Variants in LYAR observed in about 807,000 individuals in gnomAD.
LYAR encodes the protein Ly1 antibody reactive, also known as cell growth-regulating nucleolar protein.
Under a neutral mutation model 45.2 loss-of-function variants are expected in LYAR, and 37 were observed. The observed-to-expected ratio is 0.82, with a 90% CI of 0.63 to 1.08. The LOEUF (loss-of-function observed/expected upper bound fraction) is 1.08, where lower values mean the gene tolerates loss of function less well. Among genes scored for constraint, LYAR ranks in the 50% least tolerant of loss-of-function variants. The pLI is 0.00. For synonymous variants in LYAR, 176 were observed against 155.1 expected, an observed-to-expected ratio of 1.14 and a Z score of -1.00; for missense variants, 493 against 451.0, an observed-to-expected ratio of 1.09 and a Z score of -0.84.
intron 2 of LYAR, among the ~76,000 whole-genome samples, chr4:4,285,591 C>T (rs531230578): frequency 6.6e-6 from 1 of 152,350 alleles, no homozygotes; most frequent in Admixed American, 6.5e-5. Context: ...AGATTGTCAT[C>T]ACAGGCACAA....
chr4:4,278,780 T>C (rs930910095), intron 6 of LYAR, among the ~76,000 whole-genome samples: 31 of 152,346 alleles, frequency 2.0e-4, no homozygotes, highest in African/African-American at 7.5e-4. Context: ...CTAAATAATG[T>C]GCCTAAGATC....
chr4:4,282,318 A>G (rs1278663473), intron 3 of LYAR, among the ~76,000 whole-genome samples: 1 of 152,186 alleles, frequency 6.6e-6, no homozygotes, highest in Non-Finnish European at 1.5e-5. Context: ...TGGCAGCATG[A>G]GGTTACCAAC....
chr4:4,272,369 G>A (rs568896421), intron 8 of LYAR, among the ~76,000 whole-genome samples: 50 of 152,218 alleles, frequency 3.3e-4, no homozygotes, highest in Non-Finnish European at 5.6e-4. Flanking sequence ...GATCTGCAGG[G>A]GACAGTTCCC....
chr4:4,283,309 CCTGA>C (rs1418003986), intron 3 of LYAR, among the ~76,000 whole-genome samples: 1 of 152,108 alleles, frequency 6.6e-6, no homozygotes, highest in Non-Finnish European at 1.5e-5. Context: ...CACCACCACG[CCTGA>C]CTAATTTTTG....
intron 1 of LYAR, among the ~76,000 whole-genome samples, chr4:4,287,106 C>T (rs1276652147): frequency 6.6e-6 from 1 of 152,174 alleles, no homozygotes; most frequent in Non-Finnish European, 1.5e-5. Flanking sequence ...AAAAAGACAG[C>T]AGTTTTTTCA....
chr4:4,287,240 T>C (rs376873101), intron 1 of LYAR, among the ~76,000 whole-genome samples: 84 of 152,262 alleles, frequency 5.5e-4, no homozygotes, highest in African/African-American at 2.0e-3. Context: ...CATGCGCATG[T>C]TAAAAGAGAA....
chr4:4,279,251 T>C (rs1719303873), intron 6 of LYAR, among the ~76,000 whole-genome samples, 196 bp downstream of exon 6: 1 of 152,118 alleles, frequency 6.6e-6, no homozygotes, highest in Non-Finnish European at 1.5e-5. Context: ...GAGAATTGCT[T>C]GAACCCAGAG....
intron 8 of LYAR, among the ~76,000 whole-genome samples, chr4:4,269,872 T>C (rs1031572551): frequency 1.3e-5 from 2 of 152,222 alleles, no homozygotes; most frequent in African/African-American, 4.8e-5. Context: ...AGGTGATAAA[T>C]GTGTTAATCA....
Position 4,274,733 on chromosome 4 carries a change from G to T in LYAR, c.466C>A (p.His156Asn). 1 of 1,611,038 alleles carries T rather than the reference G, an allele frequency of 6.2e-7. No homozygotes were observed. Among genetic ancestry groups the T allele is most frequent in the Non-Finnish European group, 8.5e-7 (1 of 1,179,322 alleles). The stretch of plus-strand genomic sequence containing the variant: ...TCTGCATGTGGATTTGCCACTGGGT[G>T]GAGTGGCCGTTGATCCTGTTCCTTA... ...VNKEQDQRPL[H>N]PVANPHAEIS... is the part of the protein sequence containing the mutation. Residue 156 changes from histidine to asparagine, a missense_variant, in exon 7 of 10, where the codon CAC becomes AAC. Physicochemically the swap from His to Asn is moderately conservative, Grantham distance 68 (BLOSUM62 1). Coordinates refer to ENST00000343470, the MANE Select transcript of LYAR (RefSeq NM_017816.3).
At chr4:4,285,439 C>A (rs185831285) in intron 2 of LYAR, among the ~76,000 whole-genome samples, 1 of 152,170 alleles carries the variant, frequency 6.6e-6, no homozygotes, top group Non-Finnish European at 1.5e-5. Flanking sequence ...GAGGGATGAT[C>A]AACATGTCAG....
intron 6 of LYAR, among the ~76,000 whole-genome samples, chr4:4,276,314 C>A (rs932882521): frequency 7.2e-5 from 11 of 152,064 alleles, no homozygotes; most frequent in Admixed American, 7.2e-4. Flanking sequence ...GTAGCAAGGA[C>A]TATGTCCTCA....
intron 1 of LYAR, among the ~76,000 whole-genome samples, chr4:4,288,486 C>CTTTTTTTT (rs11338207): frequency 2.5e-5 from 3 of 121,020 alleles, no homozygotes; most frequent in Non-Finnish European, 5.0e-5. Context: ...AATTTTTTTT[C>CTTTTTTTT]TTTTTTTTTT....
chr4:4,268,904 C>T (rs1356019343), intron 8 of LYAR: 5 of 261,140 alleles, frequency 1.9e-5, no homozygotes, highest in Admixed American at 1.0e-4. Context: ...TAAGCATCCA[C>T]TAAGATCATG....
rs112675020 is a variant in LYAR at position 4,269,433 on chromosome 4, G to C, written c.920-818C>G. On this transcript the variant is annotated intron_variant, in intron 8 of 9. Transcript: ENST00000343470. ...TGGCGAGCCTGAGTTCTCTACCCTC[G>C]CAAGGCTGTAATGAGGGACGGTGTC... Among the ~76,000 whole-genome samples, 256 of 152,192 alleles carry C rather than the reference G, an allele frequency of 1.7e-3. 3 individuals carry two copies. Among genetic ancestry groups the C allele is most frequent in the East Asian group, 5.8e-4 (3 of 5,176 alleles).
At chr4:4,284,574 C>G (rs972285937) in intron 2 of LYAR, among the ~76,000 whole-genome samples, 2 of 152,138 alleles carry the variant, frequency 1.3e-5, no homozygotes, top group Non-Finnish European at 2.9e-5. Context: ...GTTCACAAAC[C>G]CAGGTGTCCC....
chr4:4,270,639 A>G (rs1489026321), intron 8 of LYAR, among the ~76,000 whole-genome samples: 1 of 152,226 alleles, frequency 6.6e-6, no homozygotes, highest in Non-Finnish European at 1.5e-5. Flanking sequence ...ACATTTCAAC[A>G]AAAACATATA....
chr4:4,268,550 T>C lies in LYAR; in HGVS notation c.985A>G (p.Ile329Val), dbSNP rs1480423455. 2 of 1,612,240 alleles carry C rather than the reference T, an allele frequency of 1.2e-6. No homozygotes were observed. The highest frequency in any genetic ancestry group is 2.2e-5 in the East Asian group (1 of 44,834). ...LKQAPDNEIT[I>V]KKLRKKVLAQ... ...CATACCTTTTTCCTTAGCTTTTTGA[T>C]GGTTATTTCATTGTCTGGGGCCTGT... Residue 329 changes from isoleucine to valine, a missense_variant, in exon 9 of 10, where the codon ATC becomes GTC. Coordinates refer to ENST00000343470, the MANE Select transcript of LYAR (RefSeq NM_017816.3).
chr4:4,287,587 C>G (rs1309256437), intron 1 of LYAR, among the ~76,000 whole-genome samples: 2 of 152,224 alleles, frequency 1.3e-5, no homozygotes, highest in Non-Finnish European at 2.9e-5. Context: ...TATGATCATA[C>G]TACCTCCATC....
At chr4:4,287,362 C>T (rs556637671) in intron 1 of LYAR, among the ~76,000 whole-genome samples, 2 of 152,314 alleles carry the variant, frequency 1.3e-5, no homozygotes, top group Non-Finnish European at 1.5e-5. Context: ...CTATCCTATC[C>T]ACCCAGATAC....
Sources: gnomAD v4.1 joint callset for allele counts (sites outside exome capture counted in the v4.1 genomes callset) on GRCh38, gnomAD v4.1.1 for gene constraint, MANE v1.5 for transcripts, NCBI Gene and HGNC (gene_info 2026-07-23, HGNC 2026-07-21) for gene names.